SNX13: variants seen among roughly 807,000 people sequenced by gnomAD.
The protein encoded by SNX13 is sorting nexin 13.
Under a neutral mutation model 133.6 loss-of-function variants are expected in SNX13, and 45 were observed. That is an observed-to-expected ratio of 0.34 (90% CI 0.27 to 0.43). SNX13 has a LOEUF of 0.43. Ranked by LOEUF, SNX13 falls within the 20% of genes least tolerant of loss-of-function variation. The pLI is 1.00. For synonymous variants in SNX13, 414 were observed against 373.9 expected (o/e 1.11, Z -1.24); for missense variants, 1,032 against 1,145.1 (o/e 0.90, Z 1.43).
intron 18 of SNX13, among the ~76,000 whole-genome samples, chr7:17,819,264 T>C (rs751700735): frequency 1.3e-5 from 2 of 152,218 alleles, no homozygotes; most frequent in Non-Finnish European, 2.9e-5. Context: ...CATTCATTTA[T>C]GGAACAGGGT....
chr7:17,845,770 A>G, intron 11 of SNX13, 76 bp from the exon 12 acceptor site: 1 of 1,021,684 alleles, frequency 9.8e-7, no homozygotes, highest in Non-Finnish European at 1.4e-6. Context: ...AAATATAAGG[A>G]AAAAAATCAA....
intron 13 of SNX13, among the ~76,000 whole-genome samples, chr7:17,837,075 C>G (rs1452357685): frequency 3.9e-5 from 6 of 151,928 alleles, no homozygotes; most frequent in African/African-American, 1.2e-4. Context: ...CTTTTCAAGC[C>G]CACCTCACAC....
At chr7:17,823,430 T>C (rs1787529796) in intron 17 of SNX13, among the ~76,000 whole-genome samples, 1 of 152,212 alleles carries the variant, frequency 6.6e-6, no homozygotes, top group Admixed American at 6.5e-5. Context: ...AGAAGGTCAC[T>C]ACAGCTTTTT....
chr7:17,795,619 CTG>C (rs1033847293), intron 25 of SNX13: 6 of 151,556 alleles, frequency 4.0e-5, no homozygotes, highest in African/African-American at 1.5e-4. Context: ...TTTATTTGTT[CTG>C]TGTGTTTTTG....
Position 17,816,292 on chromosome 7 carries a change from G to A in SNX13, c.1846-3C>T, listed in dbSNP as rs1786652536. ...AATATGCTTGAGAGACTTTCAAACT[G>A]TAAGACAAAATACATTCAATAGCAC... is the stretch of plus-strand genomic sequence containing the variant. On this transcript the variant is annotated splice_polypyrimidine_tract_variant and splice_region_variant and intron_variant, in intron 18 of 25. Coordinates refer to ENST00000428135, the MANE Select transcript of SNX13 (RefSeq NM_015132.5). 1.3e-6 allele frequency: 2 copies of A among 1,536,252 alleles called. No homozygotes were observed. Among genetic ancestry groups the A allele is most frequent in the Admixed American group, 2.1e-5 (1 of 47,942 alleles).
intron 13 of SNX13, among the ~76,000 whole-genome samples, chr7:17,838,003 C>T (rs1459580100): frequency 8.6e-5 from 13 of 151,644 alleles, no homozygotes; most frequent in South Asian, 2.1e-4. Flanking sequence ...CCAATTTTAG[C>T]GAAACAGTAT....
Position 17,834,039 on chromosome 7 carries a change from G to A in SNX13, c.1597+13C>T, listed in dbSNP as rs749250491. ...ATATATGCATATTATGTGTAAAATGGGTGCCACCTTACCTCCATCCCCATC... is the reference window on the plus strand; with the variant it reads ...ATATATGCATATTATGTGTAAAATGAGTGCCACCTTACCTCCATCCCCATC... On this transcript the variant is annotated intron_variant, in intron 15 of 25. Coordinates refer to ENST00000428135, the MANE Select transcript of SNX13 (RefSeq NM_015132.5). 1 of 1,505,686 alleles carries A rather than the reference G, an allele frequency of 6.6e-7. No homozygotes were observed. 93.3% of individuals were successfully genotyped at this position (1,505,686 alleles called of 1,614,324 possible).
intron 1 of SNX13, among the ~76,000 whole-genome samples, chr7:17,938,848 C>T (rs1264971392): frequency 2.6e-5 from 4 of 152,152 alleles, no homozygotes; most frequent in African/African-American, 7.2e-5. Flanking sequence ...TAACTGTTCC[C>T]ACTAAAATAT....
chr7:17,902,522 A>G (rs1797947477), intron 1 of SNX13, among the ~76,000 whole-genome samples: 2 of 152,186 alleles, frequency 1.3e-5, no homozygotes, highest in South Asian at 2.1e-4. Flanking sequence ...AGTGAGATAA[A>G]TTAGGAAAAA....
chr7:17,791,857 G>C lies in SNX13; in HGVS notation c.*2188C>G, dbSNP rs1783578712. On this transcript the variant is annotated 3_prime_UTR_variant, in exon 26 of 26. Transcript: ENST00000428135. ...GATGTAAAAGACAGATGTGCATAGA[G>C]AAGGTGCACCACCATTTACAAAGAC... 1 of 152,056 alleles carries C rather than the reference G, an allele frequency of 6.6e-6. No homozygotes were observed. Among genetic ancestry groups the C allele is most frequent in the Non-Finnish European group, 1.5e-5 (1 of 67,952 alleles). The allele number at this position is 152,056 out of a possible 1,614,324, so 9.4% of individuals were successfully genotyped here.
chr7:17,927,859 A>G (rs1462372111), intron 1 of SNX13, among the ~76,000 whole-genome samples: 1 of 152,178 alleles, frequency 6.6e-6, no homozygotes, highest in Non-Finnish European at 1.5e-5. Context: ...TTTAGTTTAT[A>G]TATCAGAAGA....
intron 15 of SNX13, 30 bp downstream of exon 15, chr7:17,834,022 A>C: frequency 6.9e-7 from 1 of 1,442,012 alleles, no homozygotes; most frequent in South Asian, 1.5e-5. Context: ...ATATATATGC[A>C]TATTATGTGT....
At chr7:17,847,662 T>G (rs559732081) in intron 11 of SNX13, among the ~76,000 whole-genome samples, 3 of 152,224 alleles carry the variant, frequency 2.0e-5, no homozygotes, top group Non-Finnish European at 4.4e-5. Context: ...CCCAAATCTC[T>G]GCTCTCCTTT....
intron 5 of SNX13, among the ~76,000 whole-genome samples, chr7:17,883,287 T>C (rs1795583318): frequency 6.6e-6 from 1 of 151,918 alleles, no homozygotes; most frequent in African/African-American, 2.4e-5. Context: ...ATTTCAGGAG[T>C]ACAAAAAACA....
At chr7:17,823,998 G>T (rs1787594068) in intron 17 of SNX13, among the ~76,000 whole-genome samples, 1 of 152,008 alleles carries the variant, frequency 6.6e-6, no homozygotes, top group South Asian at 2.1e-4. Flanking sequence ...GAAGAATAAT[G>T]AGGTAATTAT....
chr7:17,798,783 G>A (rs554520585), intron 23 of SNX13, 25 bp from the exon 24 acceptor site: 2 of 1,503,704 alleles, frequency 1.3e-6, no homozygotes, highest in East Asian at 2.4e-5. Context: ...ATGTAAATGA[G>A]GAAGGTTAAA....
intron 1 of SNX13, among the ~76,000 whole-genome samples, chr7:17,928,217 G>A (rs1800984060): frequency 6.6e-6 from 1 of 152,080 alleles, no homozygotes; most frequent in African/African-American, 2.4e-5. Flanking sequence ...TGCTTACTTG[G>A]CCAGGCACAG....
rs1459712610 is a variant in SNX13 at position 17,862,844 on chromosome 7, A to AAATAACCGTC, written c.837+5553_837+5562dup. 8.6e-4 allele frequency among the ~76,000 whole-genome samples: 131 copies of AAATAACCGTC among 152,140 alleles called. 1 individual carries two copies. Among genetic ancestry groups the AAATAACCGTC allele is most frequent in the Admixed American group, 8.6e-3 (131 of 15,272 alleles). On this transcript the variant is annotated intron_variant, in intron 9 of 25. Coordinates refer to ENST00000428135, the MANE Select transcript of SNX13 (RefSeq NM_015132.5). ...ATCCTCCCCACAGGAACACCATATTAAATAACCGTCCATGCACCTTCATAG... is the reference window on the plus strand; with the variant it reads ...ATCCTCCCCACAGGAACACCATATTAAATAACCGTCAATAACCGTCCATGCACCTTCATAG...
At chr7:17,884,580 G>T (rs1027429353) in intron 5 of SNX13, among the ~76,000 whole-genome samples, 1 of 152,106 alleles carries the variant, frequency 6.6e-6, no homozygotes, top group African/African-American at 2.4e-5. Flanking sequence ...ATAAATTATT[G>T]TTAATAGAGT....
Sources: gnomAD v4.1 joint callset for allele counts (sites outside exome capture counted in the v4.1 genomes callset) on GRCh38, gnomAD v4.1.1 for gene constraint, MANE v1.5 for transcripts, NCBI Gene and HGNC (gene_info 2026-07-23, HGNC 2026-07-21) for gene names.